Variants in MEGF11 observed in about 807,000 individuals in gnomAD.
MEGF11 encodes the protein multiple EGF like domains 11, also known as multiple epidermal growth factor-like domains protein 11.
In MEGF11, 126 loss-of-function variants were observed where a neutral mutation model predicts 146.6. The observed-to-expected ratio is 0.86, with a 90% CI of 0.74 to 1.00. The LOEUF is 1.00. Ranked by LOEUF, MEGF11 falls within the 50% of genes least tolerant of loss-of-function variation. MEGF11 has a pLI of 0.00. For synonymous variants in MEGF11, 532 were observed against 583.4 expected, an observed-to-expected ratio of 0.91 and a Z score of 1.27; for missense variants, 1,509 against 1,521.2, an observed-to-expected ratio of 0.99 and a Z score of 0.13.
intron 5 of MEGF11, among the ~76,000 whole-genome samples, chr15:65,995,650 G>A (rs2082175309): frequency 6.6e-6 from 1 of 152,210 alleles, no homozygotes; most frequent in Non-Finnish European, 1.5e-5. Flanking sequence ...CTCCAGCTAG[G>A]CAAGATTCCT....
At chr15:65,916,326 A>AG in intron 17 of MEGF11, 50 bp from the exon 18 acceptor site, 2 of 1,530,226 alleles carry the variant, frequency 1.3e-6, no homozygotes, top group African/African-American at 1.4e-5. Flanking sequence ...GGTGGGGACA[A>AG]GGGGGACAGC....
chr15:66,128,856 T>C (rs1263211989), intron 1 of MEGF11, among the ~76,000 whole-genome samples: 1 of 152,058 alleles, frequency 6.6e-6, no homozygotes, highest in Non-Finnish European at 1.5e-5. Flanking sequence ...TACTCCCTCC[T>C]GCCAAGGAGA....
At chr15:66,076,218 A>G (rs1481967465) in intron 5 of MEGF11, among the ~76,000 whole-genome samples, 2 of 151,202 alleles carry the variant, frequency 1.3e-5, no homozygotes, top group Non-Finnish European at 3.0e-5. Context: ...GGATGGATGG[A>G]TGGATGGATG....
intron 5 of MEGF11, among the ~76,000 whole-genome samples, chr15:66,059,131 T>A (rs1449330198): frequency 1.3e-5 from 2 of 152,188 alleles, no homozygotes; most frequent in African/African-American, 4.8e-5. Context: ...TGGCTCCATT[T>A]AGAAACCATT....
chr15:65,982,361 C>A lies in MEGF11; in HGVS notation c.522G>T (p.Glu174Asp). 6.5e-7 allele frequency: 1 copy of A among 1,534,694 alleles called. No individual in the cohort carries two copies. The highest frequency in any genetic ancestry group is 8.7e-7 in the Non-Finnish European group (1 of 1,142,930). ...TGCCGTGGGTGCCAGGTGCGCAGAG[C>A]TCCTCGCAGCGCCATCCACGGAAGC... is the stretch of plus-strand genomic sequence containing the variant. ...AAGFRGWRCEELCAPGTHGKG... is the reference protein window; with the variant it reads ...AAGFRGWRCEDLCAPGTHGKG... Residue 174 changes from glutamate (E) to aspartate (D), a missense_variant, in exon 6 of 26, where the codon GAG becomes GAT. Coordinates refer to ENST00000395614, the MANE Select transcript of MEGF11 (RefSeq NM_001385028.1). This position sits in a 1 kb window ranked among gnomAD's most constrained non-coding sequence, Gnocchi z 5.6.
Position 66,240,098 on chromosome 15 carries a change from A to C in MEGF11, c.-9+13507T>G, listed in dbSNP as rs138712592. Among the ~76,000 whole-genome samples, 315 of 151,980 alleles carry C rather than the reference A, an allele frequency of 2.1e-3. 4 individuals are homozygous for C. The highest frequency in any genetic ancestry group is 7.1e-3 in the African/African-American group (296 of 41,444). On this transcript the variant is annotated intron_variant, in intron 1 of 25. Coordinates refer to ENST00000395614, the MANE Select transcript of MEGF11 (RefSeq NM_001385028.1). ...CTCTCCCTGCCCTGAGCTCCACCCC[A>C]GCCCCCCAATAAAGCACCAGCACAA...
At chr15:66,150,157 G>A (rs2141032772) in intron 1 of MEGF11, among the ~76,000 whole-genome samples, 1 of 152,362 alleles carries the variant, frequency 6.6e-6, no homozygotes, top group South Asian at 2.1e-4. Context: ...TGATCCCTTT[G>A]AAAGCTGTGG....
intron 5 of MEGF11, among the ~76,000 whole-genome samples, chr15:66,023,915 T>C (rs1397446370): frequency 6.6e-6 from 1 of 152,076 alleles, no homozygotes; most frequent in East Asian, 1.9e-4. Context: ...GTCTGAAGGC[T>C]GCAGGGGGAG....
chr15:66,020,455 G>C (rs1479861478), intron 5 of MEGF11, among the ~76,000 whole-genome samples: 1 of 152,196 alleles, frequency 6.6e-6, no homozygotes, highest in African/African-American at 2.4e-5. Flanking sequence ...ATCCACCTCT[G>C]TTCTTTCCAG....
intron 10 of MEGF11, among the ~76,000 whole-genome samples, chr15:65,938,593 G>A (rs948026502): frequency 6.6e-6 from 1 of 152,158 alleles, no homozygotes; most frequent in African/African-American, 2.4e-5. Flanking sequence ...CCATGCTTCT[G>A]CTGGGGATGC....
At chr15:65,998,022 C>T (rs953698708) in intron 5 of MEGF11, among the ~76,000 whole-genome samples, 5 of 151,312 alleles carry the variant, frequency 3.3e-5, no homozygotes, top group South Asian at 2.1e-4. Flanking sequence ...AGTCAAGGCA[C>T]GGGCAGGGGT....
chr15:66,120,505 G>A (rs2087971236), intron 3 of MEGF11, among the ~76,000 whole-genome samples: 1 of 152,310 alleles, frequency 6.6e-6, no homozygotes, highest in African/African-American at 2.4e-5. Flanking sequence ...TATAGGCTGC[G>A]TTCCATGGAG....
chr15:66,200,598 C>T (rs1173155367), intron 1 of MEGF11, among the ~76,000 whole-genome samples: 1 of 152,136 alleles, frequency 6.6e-6, no homozygotes, highest in Non-Finnish European at 1.5e-5. Flanking sequence ...AATGACAGAG[C>T]CTAGGCTACC....
intron 1 of MEGF11, among the ~76,000 whole-genome samples, chr15:66,180,111 T>G (rs1246866134): frequency 1.3e-5 from 2 of 152,128 alleles, no homozygotes; most frequent in Non-Finnish European, 2.9e-5. Flanking sequence ...AAATTCAAAT[T>G]ACAACTCCAA....
intron 1 of MEGF11, among the ~76,000 whole-genome samples, chr15:66,197,446 C>T (rs541023311): frequency 1.2e-4 from 19 of 152,044 alleles, no homozygotes; most frequent in Non-Finnish European, 2.1e-4. Flanking sequence ...TTTTTTGAGA[C>T]GAGTCTCGCT....
rs142371229 is a variant in MEGF11 at position 66,227,111 on chromosome 15, G to A, written c.-9+26494C>T. Among the ~76,000 whole-genome samples the A allele has an allele frequency of 5.7e-3, 861 of 152,266 alleles. 2 individuals are homozygous for A. Among genetic ancestry groups the A allele is most frequent in the Admixed American group, 9.0e-3 (137 of 15,302 alleles). On this transcript the variant is annotated intron_variant, in intron 1 of 25. Transcript: ENST00000395614. The stretch of plus-strand genomic sequence containing the variant: ...TGAGGATTTCTACAGCCCATGGGGA[G>A]GACTAGGTAGTAACACTGACAGCAT...
Position 65,896,703 on chromosome 15 carries a change from C to G in MEGF11, c.*1231G>C, listed in dbSNP as rs2078365231. The G allele has an allele frequency of 6.6e-6, 1 of 152,200 alleles. No homozygotes were observed. Among genetic ancestry groups the G allele is most frequent in the Non-Finnish European group, 1.5e-5 (1 of 68,024 alleles). 9.4% of individuals were successfully genotyped at this position (152,200 alleles called of 1,614,324 possible). ...TGGAAGGTATAGACACATCTGAATACTGGGATCTGGAGCATTAGCTCATTG... is the reference window on the plus strand; with the variant it reads ...TGGAAGGTATAGACACATCTGAATAGTGGGATCTGGAGCATTAGCTCATTG... On this transcript the variant is annotated 3_prime_UTR_variant, in exon 26 of 26. Transcript: ENST00000395614.
At chr15:66,056,495 T>C (rs2140381030) in intron 5 of MEGF11, among the ~76,000 whole-genome samples, 1 of 152,274 alleles carries the variant, frequency 6.6e-6, no homozygotes, top group Non-Finnish European at 1.5e-5. Context: ...TGGACAGTCA[T>C]GCAAGCAAGA....
At chr15:65,960,496 C>A (rs1223412173) in intron 9 of MEGF11, among the ~76,000 whole-genome samples, 3 of 152,218 alleles carry the variant, frequency 2.0e-5, no homozygotes, top group African/African-American at 7.2e-5. Context: ...TTGGAGCACT[C>A]TTCTCTTTAG....
Sources: allele counts gnomAD v4.1 joint callset (sites outside exome capture counted in the v4.1 genomes callset), GRCh38; gene constraint gnomAD v4.1.1; non-coding constraint Gnocchi (gnomAD v3.1); transcripts MANE v1.5; gene names NCBI Gene and HGNC (gene_info 2026-07-23, HGNC 2026-07-21).